Variants in ALG2 observed in about 807,000 individuals in gnomAD.
The protein encoded by ALG2 is alpha-1,3/1,6-mannosyltransferase ALG2.
ALG2 carries 32 observed loss-of-function variants against 30.5 expected under a neutral mutation model. That is an observed-to-expected ratio of 1.05 (90% CI 0.79 to 1.41). ALG2 has a LOEUF of 1.41. Among genes scored for constraint, ALG2 ranks in the 40% most tolerant of loss-of-function variants. The pLI is 0.00. For synonymous variants in ALG2, 253 were observed against 224.8 expected, an observed-to-expected ratio of 1.13 and a Z score of -1.12; for missense variants, 574 against 526.4, an observed-to-expected ratio of 1.09 and a Z score of -0.88.
intron 1 of ALG2, chr9:99,221,207 G>A (rs543613321): frequency 6.9e-5 from 93 of 1,345,570 alleles, no homozygotes; most frequent in Middle Eastern, 4.5e-4. Flanking sequence ...TTAGTAAAAG[G>A]TGACTGAAGC....
chr9:99,218,799 C>A lies in ALG2; in HGVS notation c.386G>T (p.Arg129Leu). 6.2e-7 allele frequency: 1 copy of A among 1,608,592 alleles called. No homozygotes were observed. Among genetic ancestry groups the A allele is most frequent in the Non-Finnish European group, 8.5e-7 (1 of 1,179,998 alleles). ...ACIPVFRLAR[R>L]RKKILFYCHF... is the part of the protein sequence containing the mutation. ...ACAGTAAAATAGGATCTTCTTCCGC[C>A]GTCTAGCCAGCCTGAACACTGGGAT... The change falls in exon 2 of 2, where the codon CGG (arginine) becomes CTG (leucine). Residue 129 changes from arginine to leucine, a missense_variant. Transcript: ENST00000476832.
At position 99,221,916 on chromosome 9, in the gene ALG2, C is replaced by G. The variant is rs1391151571; in HGVS notation, c.-22G>C. On this transcript the variant is annotated 5_prime_UTR_variant, in exon 1 of 2. Coordinates refer to ENST00000476832, the MANE Select transcript of ALG2 (RefSeq NM_033087.4). Reference sequence around the variant, plus strand: ...CCATGGCCCTGGAGCCGCAACTGCACCCCGCACCCTGATGGGGGTCTTCTG... The same window carrying G: ...CCATGGCCCTGGAGCCGCAACTGCAGCCCGCACCCTGATGGGGGTCTTCTG... 9 of 1,570,884 alleles carry G rather than the reference C, an allele frequency of 5.7e-6. No individual in the cohort carries two copies. The highest frequency in any genetic ancestry group is 7.7e-6 in the Non-Finnish European group (9 of 1,165,088).
Position 99,221,661 on chromosome 9 carries a change from G to T in ALG2, c.234C>A (p.Gly78=). 1 of 1,548,720 alleles carries T rather than the reference G, an allele frequency of 6.5e-7. No homozygotes were observed. Among genetic ancestry groups the T allele is most frequent in the Non-Finnish European group, 8.7e-7 (1 of 1,150,924 alleles). ...VRCAGDWLPR[G]LGWGGRGAAV... is the part of the protein sequence containing the mutation. The stretch of plus-strand genomic sequence containing the variant: ...CGGCGCCGCGGCCGCCCCAGCCCAG[G>T]CCTCGCGGCAGCCAGTCCCCGGCAC... Residue 78 remains glycine, a synonymous_variant, in exon 1 of 2, where the codon GGC becomes GGA. Transcript: ENST00000476832.
At position 99,221,897 on chromosome 9, in the gene ALG2, C is replaced by A. The variant is rs1320051586; in HGVS notation, c.-3G>T. On this transcript the variant is annotated 5_prime_UTR_variant, in exon 1 of 2. Coordinates refer to ENST00000476832, the MANE Select transcript of ALG2 (RefSeq NM_033087.4). ...TCCCGGCCCTGCTCCTCCGCCATGG[C>A]CCTGGAGCCGCAACTGCACCCCGCA... The A allele has an allele frequency of 5.1e-6, 8 of 1,583,258 alleles. No homozygotes were observed. In the East Asian group the frequency reaches 1.8e-4, roughly 36 times the overall value.
chr9:99,218,936 C>T (rs1234953740), intron 1 of ALG2, 100 bp from the exon 2 acceptor site: 2 of 1,276,570 alleles, frequency 1.6e-6, no homozygotes, highest in African/African-American at 1.5e-5. Flanking sequence ...CTGTGGGCTC[C>T]TCATGGGCAA....
chr9:99,218,739 G>T lies in ALG2; in HGVS notation c.446C>A (p.Ser149Tyr), dbSNP rs1350412580. 1 of 1,613,894 alleles carries T rather than the reference G, an allele frequency of 6.2e-7. No individual in the cohort carries two copies. Among genetic ancestry groups the T allele is most frequent in the Admixed American group, 1.7e-5 (1 of 60,028 alleles). Reference protein sequence around the residue: ...FPDLLLTKRDSFLKRLYRAPI... With the variant: ...FPDLLLTKRDYFLKRLYRAPI... Reference sequence around the variant, plus strand: ...GGCCCTGTATAGTCGTTTAAGAAAAGAATCTCTCTTGGTGAGAAGCAGATC... The same window carrying T: ...GGCCCTGTATAGTCGTTTAAGAAAATAATCTCTCTTGGTGAGAAGCAGATC... Residue 149 changes from serine to tyrosine, a missense_variant, in exon 2 of 2, where the codon TCT becomes TAT. Coordinates refer to ENST00000476832, the MANE Select transcript of ALG2 (RefSeq NM_033087.4).
chr9:99,221,638 G>A lies in ALG2; in HGVS notation c.257C>T (p.Ala86Val), dbSNP rs867464328. ...CATGCGCACGTAGGCGCAGACGGCG[G>A]CGCCGCGGCCGCCCCAGCCCAGGCC... ...PRGLGWGGRG[A>V]AVCAYVRMVF... The change falls in exon 1 of 2, where the codon GCC (alanine) becomes GTC (valine). Residue 86 changes from alanine (A) to valine (V), a missense_variant. Physicochemically the swap from Ala to Val is moderately conservative, Grantham distance 64. Coordinates refer to ENST00000476832, the MANE Select transcript of ALG2 (RefSeq NM_033087.4). 1 of 1,540,032 alleles carries A rather than the reference G, an allele frequency of 6.5e-7. No individual in the cohort carries two copies. Among genetic ancestry groups the A allele is most frequent in the South Asian group, 1.2e-5 (1 of 84,204 alleles).
chr9:99,217,593 A>T lies in ALG2; in HGVS notation c.*341T>A. The T allele has an allele frequency of 8.5e-6, 4 of 469,144 alleles. No homozygotes were observed. The highest frequency in any genetic ancestry group is 1.7e-5 in the Non-Finnish European group (4 of 236,968). 29.1% of individuals were successfully genotyped at this position (469,144 alleles called of 1,614,324 possible). A position where few individuals can be genotyped will look rare whatever the true frequency, so the allele number is the denominator to read the frequency against. On this transcript the variant is annotated 3_prime_UTR_variant, in exon 2 of 2. Coordinates refer to ENST00000476832, the MANE Select transcript of ALG2 (RefSeq NM_033087.4). Reference sequence around the variant, plus strand: ...CAACTTTGATAATGATACACACTTAAACTATGAAAACCAATTAAGGCACAG... The same window carrying T: ...CAACTTTGATAATGATACACACTTATACTATGAAAACCAATTAAGGCACAG...
rs182511989 is a variant in ALG2, at chr9:99,217,034, G to A, written c.*900C>T. 18 of 454,160 alleles carry A rather than the reference G, an allele frequency of 4.0e-5. No individual in the cohort carries two copies. Among genetic ancestry groups the A allele is most frequent in the Non-Finnish European group, 7.5e-5 (17 of 226,796 alleles). 28.1% of individuals were successfully genotyped at this position (454,160 alleles called of 1,614,324 possible). ...GAAAAGGCTAGAGTACATGGAGGGG[G>A]AAGATAACTTCTGGCTTGGGAGGTG... On this transcript the variant is annotated 3_prime_UTR_variant, in exon 2 of 2. Transcript: ENST00000476832.
chr9:99,220,846 A>C (rs967088126), intron 1 of ALG2: 1 of 935,044 alleles, frequency 1.1e-6, no homozygotes, highest in Non-Finnish European at 1.5e-6. Flanking sequence ...TTTAGGTTAC[A>C]TCCTTCTATA....
In ALG2 at chr9:99,221,716, A is replaced by T. The variant is rs753517894; in HGVS notation, c.179T>A (p.Phe60Tyr). 6.3e-7 allele frequency: 1 copy of T among 1,597,230 alleles called. No homozygotes were observed. The highest frequency in any genetic ancestry group is 8.5e-7 in the Non-Finnish European group (1 of 1,178,680). Reference protein sequence around the residue: ...WTAHYDPGHCFAESRELPVRC... With the variant: ...WTAHYDPGHCYAESRELPVRC... ...CACCGGTAGCTCGCGGCTCTCGGCG[A>T]AACAGTGGCCCGGGTCGTAGTGCGC... The change falls in exon 1 of 2, where the codon TTC becomes TAC. Residue 60 changes from phenylalanine to tyrosine, a missense_variant. Coordinates refer to ENST00000476832, the MANE Select transcript of ALG2 (RefSeq NM_033087.4).
At chr9:99,221,014 A>C in intron 1 of ALG2, 2 of 1,352,832 alleles carry the variant, frequency 1.5e-6, no homozygotes, top group Non-Finnish European at 2.0e-6. Flanking sequence ...CCAAAAACCA[A>C]TGGGGAGCCA....
rs1828805397 is a variant in ALG2, at chr9:99,221,648, C to T, written c.247G>A (p.Gly83Ser). 1 of 1,541,074 alleles carries T rather than the reference C, an allele frequency of 6.5e-7. No homozygotes were observed. Among genetic ancestry groups the T allele is most frequent in the African/African-American group, 1.4e-5 (1 of 73,142 alleles). Reference sequence around the variant, plus strand: ...TAGGCGCAGACGGCGGCGCCGCGGCCGCCCCAGCCCAGGCCTCGCGGCAGC... The same window carrying T: ...TAGGCGCAGACGGCGGCGCCGCGGCTGCCCCAGCCCAGGCCTCGCGGCAGC... ...DWLPRGLGWGGRGAAVCAYVR... is the reference protein window; with the variant it reads ...DWLPRGLGWGSRGAAVCAYVR... The change falls in exon 1 of 2, where the codon GGC (glycine) becomes AGC (serine). Residue 83 changes from glycine (G) to serine (S), a missense_variant. Physicochemically the swap from Gly to Ser is moderately conservative, Grantham distance 56 (BLOSUM62 0). Coordinates refer to ENST00000476832, the MANE Select transcript of ALG2 (RefSeq NM_033087.4).
Position 99,221,885 on chromosome 9 carries a change from C to T in ALG2, c.10G>A (p.Glu4Lys), listed in dbSNP as rs1329170357. The T allele has an allele frequency of 1.3e-5, 20 of 1,588,034 alleles. No homozygotes were observed. Among genetic ancestry groups the T allele is most frequent in the Non-Finnish European group, 1.6e-5 (19 of 1,174,790 alleles). ...ACCGAGTCCCGTTCCCGGCCCTGCTCCTCCGCCATGGCCCTGGAGCCGCAA... is the reference window on the plus strand; with the variant it reads ...ACCGAGTCCCGTTCCCGGCCCTGCTTCTCCGCCATGGCCCTGGAGCCGCAA... Reference protein sequence around the residue: MAEEQGRERDSVPK... With the variant: MAEKQGRERDSVPK... The change falls in exon 1 of 2, where the codon GAG (glutamate) becomes AAG (lysine). Residue 4 changes from glutamate (E) to lysine (K), a missense_variant. Physicochemically the swap from Glu to Lys is moderately conservative, Grantham distance 56. Transcript: ENST00000476832.
chr9:99,218,314 A>G lies in ALG2; in HGVS notation c.871T>C (p.Ser291Pro). ...YQELKKMVQQ[S>P]DLGQYVTFLR... Reference sequence around the variant, plus strand: ...AAGGTCACATACTGGCCAAGGTCGGACTGTTGGACCATTTTCTTCAATTCC... The same window carrying G: ...AAGGTCACATACTGGCCAAGGTCGGGCTGTTGGACCATTTTCTTCAATTCC... Residue 291 changes from serine to proline, a missense_variant, in exon 2 of 2, where the codon TCC becomes CCC. By Grantham distance (74) the Ser-to-Pro change is moderately conservative. Coordinates refer to ENST00000476832, the MANE Select transcript of ALG2 (RefSeq NM_033087.4). 6.2e-7 allele frequency: 1 copy of G among 1,614,210 alleles called. No individual in the cohort carries two copies. Among genetic ancestry groups the G allele is most frequent in the South Asian group, 1.1e-5 (1 of 91,082 alleles).
At chr9:99,221,045 C>T (rs1255365676) in intron 1 of ALG2, 2 of 1,354,150 alleles carry the variant, frequency 1.5e-6, no homozygotes, top group African/African-American at 1.5e-5. Context: ...TTAATAGGGG[C>T]ATGATATATT....
At chr9:99,220,626 A>C (rs1412933299) in intron 1 of ALG2, among the ~76,000 whole-genome samples, 2 of 152,220 alleles carry the variant, frequency 1.3e-5, no homozygotes, top group South Asian at 2.1e-4. Flanking sequence ...GAGACAGAGC[A>C]AGACTCCGTT....
chr9:99,221,258 T>A, intron 1 of ALG2: 1 of 1,107,728 alleles, frequency 9.0e-7, no homozygotes, highest in Non-Finnish European at 1.2e-6. Context: ...CCAAAGACTA[T>A]CTACCTCGGA....
chr9:99,217,799 T>C lies in ALG2; in HGVS notation c.*135A>G. 1.1e-6 allele frequency: 1 copy of C among 942,472 alleles called. No homozygotes were observed. Among genetic ancestry groups the C allele is most frequent in the Non-Finnish European group, 1.7e-6 (1 of 600,242 alleles). The allele number at this position is 942,472 out of a possible 1,614,324, so 58.4% of individuals were successfully genotyped here. On this transcript the variant is annotated 3_prime_UTR_variant, in exon 2 of 2. Transcript: ENST00000476832. ...CAGGGAGGTGTGGTATATAGGAAAG[T>C]GGCTCACATTCAAGACTCAAGTTTA...
Sources: allele counts gnomAD v4.1 joint callset (sites outside exome capture counted in the v4.1 genomes callset), GRCh38; gene constraint gnomAD v4.1.1; transcripts MANE v1.5; gene names NCBI Gene and HGNC (gene_info 2026-07-23, HGNC 2026-07-21).